Variants in VWC2 observed in about 807,000 individuals in gnomAD.
VWC2 encodes the protein von Willebrand factor C domain containing 2.
Under a neutral mutation model 29.8 loss-of-function variants are expected in VWC2, and 14 were observed. That is an observed-to-expected ratio of 0.47 (90% confidence interval 0.31 to 0.74). VWC2 has a LOEUF of 0.74. Among genes scored for constraint, VWC2 ranks in the 30% least tolerant of loss-of-function variants. The pLI is 0.05. For missense variants in VWC2, 457 were observed against 459.8 expected (o/e 0.99, Z 0.05); for synonymous variants, 213 against 199.0 (o/e 1.07, Z -0.59).
At chr7:49,807,792 TTTG>T (rs2128706853) in intron 3 of VWC2, among the ~76,000 whole-genome samples, 1 of 152,334 alleles carries the variant, frequency 6.6e-6, no homozygotes, top group East Asian at 1.9e-4. Flanking sequence ...ATTCAGAATC[TTTG>T]TTCACCAAAC....
chr7:49,800,892 C>T (rs2128705614), intron 2 of VWC2, among the ~76,000 whole-genome samples: 1 of 126,912 alleles, frequency 7.9e-6, no homozygotes, highest in Middle Eastern at 4.5e-3. Context: ...CCAACAACAA[C>T]AAAAGAAACT....
Position 49,917,238 on chromosome 7 carries a change from A to C in VWC2, c.*5053A>C, listed in dbSNP as rs1427363843. 2 of 152,154 alleles carry C rather than the reference A, an allele frequency of 1.3e-5. No individual in the cohort carries two copies. The highest frequency in any genetic ancestry group is 4.8e-5 in the African/African-American group (2 of 41,452). 9.4% of individuals were successfully genotyped at this position (152,154 alleles called of 1,614,324 possible). ...AACCATTTAAAAGTGATGGTTGTTGAAATTTTACTGTAGTGTCAAATTTCA... is the reference window on the plus strand; with the variant it reads ...AACCATTTAAAAGTGATGGTTGTTGCAATTTTACTGTAGTGTCAAATTTCA... On this transcript the variant is annotated 3_prime_UTR_variant, in exon 4 of 4. Coordinates refer to ENST00000340652, the MANE Select transcript of VWC2 (RefSeq NM_198570.5).
chr7:49,819,458 A>C (rs745311421), intron 3 of VWC2, among the ~76,000 whole-genome samples: 1 of 152,236 alleles, frequency 6.6e-6, no homozygotes. Context: ...ACATGCAGCC[A>C]AAACACGGGC....
Position 49,776,132 on chromosome 7 carries a change from G to T in VWC2, c.696+1G>T. 6.6e-7 allele frequency: 1 copy of T among 1,510,194 alleles called. No individual in the cohort carries two copies. The highest frequency in any genetic ancestry group is 8.9e-7 in the Non-Finnish European group (1 of 1,129,196). 93.5% of individuals were successfully genotyped at this position (1,510,194 alleles called of 1,614,324 possible). ...CTATCAGACTTTGGAGGAGTTCGTGGTAAGATGCGAACGCCCGCCGGGCGA... is the reference window on the plus strand; with the variant it reads ...CTATCAGACTTTGGAGGAGTTCGTGTTAAGATGCGAACGCCCGCCGGGCGA... On this transcript the variant is annotated splice_donor_variant, in intron 2 of 3. Coordinates refer to ENST00000340652, the MANE Select transcript of VWC2 (RefSeq NM_198570.5). LOFTEE classifies it high-confidence loss of function.
chr7:49,877,477 AAAAAAT>A (rs1230458374), intron 3 of VWC2, among the ~76,000 whole-genome samples: 88 of 17,256 alleles, frequency 5.1e-3, no homozygotes, highest in African/African-American at 6.6e-3. Flanking sequence ...AAAAAAAAAA[AAAAAAT>A]ATATATATAT....
At chr7:49,856,526 G>T (rs909862293) in intron 3 of VWC2, among the ~76,000 whole-genome samples, 4 of 152,088 alleles carry the variant, frequency 2.6e-5, no homozygotes, top group African/African-American at 9.7e-5. Flanking sequence ...CAAAATGGAC[G>T]AATACAGCAG....
intron 3 of VWC2, among the ~76,000 whole-genome samples, chr7:49,843,859 T>C (rs1398303305): frequency 6.6e-6 from 1 of 152,084 alleles, no homozygotes; most frequent in Non-Finnish European, 1.5e-5. Context: ...GTGCAGAGGA[T>C]GAATGGAAAA....
In VWC2 at chr7:49,843,299, T is replaced by G. The variant is rs112467960; in HGVS notation, c.826+40459T>G. On this transcript the variant is annotated intron_variant, in intron 3 of 3. Coordinates refer to ENST00000340652, the MANE Select transcript of VWC2 (RefSeq NM_198570.5). ...TCATTTTCTCATGGGTGAGCCCCTTTCCTGATGGCTCCAGGAACATAAAGC... is the reference window on the plus strand; with the variant it reads ...TCATTTTCTCATGGGTGAGCCCCTTGCCTGATGGCTCCAGGAACATAAAGC... Among the ~76,000 whole-genome samples the G allele has an allele frequency of 2.6e-3, 394 of 152,322 alleles. 4 individuals are homozygous for G. Among genetic ancestry groups the G allele is most frequent in the African/African-American group, 8.9e-3 (372 of 41,568 alleles).
chr7:49,904,086 A>G (rs1562764826), intron 3 of VWC2, among the ~76,000 whole-genome samples: 1 of 152,160 alleles, frequency 6.6e-6, no homozygotes, highest in Non-Finnish European at 1.5e-5. Context: ...CATGGCTGGC[A>G]GAGAAGGGAA....
At chr7:49,882,781 CT>C (rs1468233239) in intron 3 of VWC2, among the ~76,000 whole-genome samples, 2 of 152,158 alleles carry the variant, frequency 1.3e-5, no homozygotes, top group South Asian at 4.1e-4. Flanking sequence ...TGATTCCCAA[CT>C]TTTTTTTCTA....
chr7:49,812,402 T>G (rs1482906511), intron 3 of VWC2, among the ~76,000 whole-genome samples: 1 of 152,220 alleles, frequency 6.6e-6, no homozygotes, highest in Non-Finnish European at 1.5e-5. Flanking sequence ...CTCCCAAGGC[T>G]AATCTTGATA....
intron 3 of VWC2, among the ~76,000 whole-genome samples, chr7:49,831,060 A>G (rs1789514761): frequency 6.6e-6 from 1 of 152,118 alleles, no homozygotes; most frequent in Non-Finnish European, 1.5e-5. Context: ...AGCAAGCCCA[A>G]TACAGTGCCA....
intron 3 of VWC2, among the ~76,000 whole-genome samples, chr7:49,804,087 G>C (rs1788811914): frequency 6.6e-6 from 1 of 151,896 alleles, no homozygotes; most frequent in African/African-American, 2.4e-5. Flanking sequence ...GGTCTCTTGT[G>C]CATGTTAATT....
chr7:49,808,215 A>T (rs1788921034), intron 3 of VWC2, among the ~76,000 whole-genome samples: 1 of 152,188 alleles, frequency 6.6e-6, no homozygotes, highest in Non-Finnish European at 1.5e-5. Flanking sequence ...TAGAACAATC[A>T]CTAAGAAAAT....
chr7:49,881,959 A>ATTAAAATTTCGTATT (rs1791684217), intron 3 of VWC2, among the ~76,000 whole-genome samples: 1 of 152,042 alleles, frequency 6.6e-6, no homozygotes, highest in Non-Finnish European at 1.5e-5. Context: ...TGTCTTGAAA[A>ATTAAAATTTCGTATT]TAAATTACAT....
At chr7:49,812,223 T>A (rs1489092167) in intron 3 of VWC2, among the ~76,000 whole-genome samples, 2 of 152,308 alleles carry the variant, frequency 1.3e-5, no homozygotes, top group East Asian at 3.9e-4. Flanking sequence ...ATTAATTGAG[T>A]TGTTAGGTGG....
At chr7:49,841,000 C>T (rs917688747) in intron 3 of VWC2, among the ~76,000 whole-genome samples, 5 of 152,192 alleles carry the variant, frequency 3.3e-5, no homozygotes, top group South Asian at 4.1e-4. Context: ...AGAAGGAATA[C>T]CTTTTTCAAG....
At chr7:49,831,754 A>G (rs1055212954) in intron 3 of VWC2, among the ~76,000 whole-genome samples, 3 of 152,230 alleles carry the variant, frequency 2.0e-5, no homozygotes, top group South Asian at 2.1e-4. Flanking sequence ...ACCGCAAAAT[A>G]AAAACATAAA....
chr7:49,899,394 G>T (rs1792583193), intron 3 of VWC2, among the ~76,000 whole-genome samples: 1 of 152,010 alleles, frequency 6.6e-6, no homozygotes, highest in Admixed American at 6.5e-5. Flanking sequence ...TTGGATTGCA[G>T]TTGACCATGG....
Sources: gnomAD v4.1 joint callset for allele counts (sites outside exome capture counted in the v4.1 genomes callset) on GRCh38, gnomAD v4.1.1 for gene constraint, MANE v1.5 for transcripts, NCBI Gene and HGNC (gene_info 2026-07-23, HGNC 2026-07-21) for gene names.